PKD1L1: variants seen among roughly 807,000 people sequenced by gnomAD.
PKD1L1 encodes the protein polycystin 1 like 1, transient receptor potential channel interacting.
Under a neutral mutation model 323.4 loss-of-function variants are expected in PKD1L1, and 236 were observed. The ratio of observed to expected loss-of-function variants is 0.73; its 90% CI spans 0.66 to 0.81. The LOEUF is 0.81. Among genes scored for constraint, PKD1L1 ranks in the 40% least tolerant of loss-of-function variants. The probability of loss-of-function intolerance (pLI) is 0.00; values close to 1 mark genes in which losing one functional copy is unlikely to be tolerated. For missense variants in PKD1L1, 3,320 were observed against 3,508.0 expected (o/e 0.95, Z 1.35); for synonymous variants, 1,344 against 1,335.0 (o/e 1.01, Z -0.15).
At position 47,839,798 on chromosome 7, in the gene PKD1L1, G is replaced by A; in HGVS notation, c.5553-136C>T. On this transcript the variant is annotated intron_variant, in intron 35 of 56. Coordinates refer to ENST00000289672, the MANE Select transcript of PKD1L1 (RefSeq NM_138295.5). This position sits in a 1 kb window ranked among gnomAD's most constrained non-coding sequence, Gnocchi z 4.3. ...GGGACATGTCAAAGGTGACTGACAT[G>A]CAGAGTGACATGTGAAGCCCCCTGG... 1 of 861,552 alleles carries A rather than the reference G, an allele frequency of 1.2e-6. No homozygotes were observed. The highest frequency in any genetic ancestry group is 1.8e-6 in the Non-Finnish European group (1 of 561,328). The allele number at this position is 861,552 out of a possible 1,614,324, so 53.4% of individuals were successfully genotyped here.
At chr7:47,890,486 A>C (rs2049949876) in intron 16 of PKD1L1, 56 bp downstream of exon 16, 6 of 1,551,986 alleles carry the variant, frequency 3.9e-6, no homozygotes, top group Admixed American at 3.4e-5. Context: ...GGATGCTAGC[A>C]CCAGGTGGGA....
chr7:47,857,197 C>T (rs1785923943), intron 28 of PKD1L1, among the ~76,000 whole-genome samples: 1 of 152,192 alleles, frequency 6.6e-6, no homozygotes, highest in Non-Finnish European at 1.5e-5. Context: ...CCTTCTTAAG[C>T]GTCATTCAGG....
intron 30 of PKD1L1, among the ~76,000 whole-genome samples, chr7:47,854,169 G>A (rs1425160603): frequency 6.6e-6 from 1 of 152,154 alleles, no homozygotes; most frequent in Non-Finnish European, 1.5e-5. Context: ...TGCGTGCTAA[G>A]GGCTGTGTGG....
At chr7:47,805,294 G>T (rs1784754060) in intron 52 of PKD1L1, among the ~76,000 whole-genome samples, 1 of 152,196 alleles carries the variant, frequency 6.6e-6, no homozygotes, top group African/African-American at 2.4e-5. Flanking sequence ...TCAAATCATA[G>T]TTCTTTAATC....
chr7:47,919,786 T>A (rs1481564869), intron 7 of PKD1L1, among the ~76,000 whole-genome samples: 1 of 152,194 alleles, frequency 6.6e-6, no homozygotes, highest in African/African-American at 2.4e-5. Flanking sequence ...TCTCAATAGA[T>A]GCAGAAAAAG....
At chr7:47,949,374 A>AAAAAAAAAAAAAC (rs1788168566), upstream of PKD1L1, among the ~76,000 whole-genome samples, 1 of 112,916 alleles carries the variant, frequency 8.9e-6, no homozygotes, top group Non-Finnish European at 1.9e-5. Flanking sequence ...GTCTCAAAAA[A>AAAAAAAAAAAAAC]AAAAAAAAAA....
At chr7:47,841,755 G>C (rs573142206) in intron 34 of PKD1L1, among the ~76,000 whole-genome samples, 62 of 152,128 alleles carry the variant, frequency 4.1e-4, no homozygotes, top group Non-Finnish European at 8.2e-4. Flanking sequence ...TGTGGGGTTT[G>C]ATGAATTCAC....
At chr7:47,804,394 A>C (rs1456382445) in intron 52 of PKD1L1, among the ~76,000 whole-genome samples, 2 of 152,200 alleles carry the variant, frequency 1.3e-5, no homozygotes, top group Admixed American at 6.5e-5. Context: ...AAAATAGTAC[A>C]TGTAAAATCA....
intron 13 of PKD1L1, 93 bp downstream of exon 13, chr7:47,902,286 A>G: frequency 6.7e-7 from 1 of 1,494,408 alleles, no homozygotes; most frequent in Non-Finnish European, 9.0e-7. Context: ...GCCTCGCTTC[A>G]TGCCCCAAAC....
chr7:47,953,205 G>A (rs957651921), upstream of PKD1L1, among the ~76,000 whole-genome samples: 2 of 152,140 alleles, frequency 1.3e-5, no homozygotes, highest in Non-Finnish European at 2.9e-5. Context: ...TTGTTCCAAT[G>A]CAATTGTTAA....
At chr7:47,849,586 C>T (rs1282470137) in intron 31 of PKD1L1, among the ~76,000 whole-genome samples, 1 of 152,138 alleles carries the variant, frequency 6.6e-6, no homozygotes. Flanking sequence ...CTAAAAAATA[C>T]TCAACACCAC....
intron 7 of PKD1L1, among the ~76,000 whole-genome samples, chr7:47,921,887 T>G (rs1172893617): frequency 2.1e-5 from 3 of 145,030 alleles, no homozygotes; most frequent in African/African-American, 7.7e-5. Flanking sequence ...CTCTCCCCTC[T>G]CCCCTCCCCC....
intron 6 of PKD1L1, among the ~76,000 whole-genome samples, chr7:47,930,114 G>C (rs1357757943): frequency 6.6e-6 from 1 of 152,114 alleles, no homozygotes; most frequent in Non-Finnish European, 1.5e-5. Flanking sequence ...ATATGGTGTT[G>C]GTACCATTAC....
At chr7:47,912,226 T>C (rs73109240) in intron 8 of PKD1L1, among the ~76,000 whole-genome samples, 9,856 of 151,908 alleles carry the variant, frequency 0.065, 484 homozygotes, top group Non-Finnish European at 0.093. Flanking sequence ...TAATGGAGAA[T>C]GGAAAGTGTA....
At chr7:47,942,777 G>A (rs1291839786) in intron 2 of PKD1L1, among the ~76,000 whole-genome samples, 1 of 152,138 alleles carries the variant, frequency 6.6e-6, no homozygotes, top group Non-Finnish European at 1.5e-5. Context: ...CTCGAAGTGT[G>A]GCCCCCAGAT....
chr7:47,880,729 C>T lies in PKD1L1; in HGVS notation c.3519G>A (p.Val1173=). ...SGETYVLQVS[V]ASKHGLLGKA... ...AATGCAACTGACAATGTAACATACC[C>T]ACAGACACTTGCAGGACGTACGTCT... The change falls in exon 21 of 57, where the codon GTG becomes GTA. Residue 1173 remains valine (V), a splice_region_variant and synonymous_variant. Transcript: ENST00000289672. The T allele has an allele frequency of 1.2e-6, 2 of 1,603,886 alleles. No individual in the cohort carries two copies. Among genetic ancestry groups the T allele is most frequent in the East Asian group, 4.5e-5 (2 of 44,310 alleles).
intron 56 of PKD1L1, among the ~76,000 whole-genome samples, chr7:47,777,158 C>T (rs1413090491): frequency 3.3e-5 from 5 of 152,244 alleles, no homozygotes; most frequent in Non-Finnish European, 1.5e-5. Flanking sequence ...TCCCAAAGTG[C>T]TGGGATTACA....
chr7:47,858,619 C>T, intron 27 of PKD1L1, 54 bp downstream of exon 27: 1 of 1,496,958 alleles, frequency 6.7e-7, no homozygotes. Context: ...TACAGGTTAA[C>T]ATCCTGGGAT....
intron 7 of PKD1L1, among the ~76,000 whole-genome samples, chr7:47,925,906 CT>C (rs1787648949): frequency 1.4e-5 from 2 of 139,850 alleles, no homozygotes; most frequent in Admixed American, 1.4e-4. Context: ...AAAAATATCC[CT>C]TTTATAATAA....
Sources: gnomAD v4.1 joint callset for allele counts (sites outside exome capture counted in the v4.1 genomes callset) on GRCh38, gnomAD v4.1.1 for gene constraint, Gnocchi (gnomAD v3.1) non-coding constraint, MANE v1.5 for transcripts, NCBI Gene and HGNC (gene_info 2026-07-23, HGNC 2026-07-21) for gene names.